Variants in SNX18 observed in about 807,000 individuals in gnomAD.
The protein encoded by SNX18 is sorting nexin-18.
Under a neutral mutation model 48.7 loss-of-function variants are expected in SNX18, and 35 were observed. The observed-to-expected ratio is 0.72, with a 90% CI of 0.55 to 0.95. The LOEUF (loss-of-function observed/expected upper bound fraction) is 0.95. Ranked by LOEUF, SNX18 falls within the 40% of genes least tolerant of loss-of-function variation. The probability of loss-of-function intolerance (pLI) is 0.00; values close to 1 mark genes in which losing one functional copy is unlikely to be tolerated. For missense variants in SNX18, 824 were observed against 871.0 expected (o/e 0.95, Z 0.68); for synonymous variants, 492 against 384.7 (o/e 1.28, Z -3.26).
the SNX18 span, among the ~76,000 whole-genome samples, chr5:54,623,288 C>T: frequency 6.6e-6 from 1 of 152,152 alleles, no homozygotes; most frequent in Non-Finnish European, 1.5e-5. Context: ...TCAGGCTTTG[C>T]TCTTTTTCTG....
At chr5:54,646,698 T>G in the SNX18 span, among the ~76,000 whole-genome samples, 1 of 152,232 alleles carries the variant, frequency 6.6e-6, no homozygotes, top group Non-Finnish European at 1.5e-5. Flanking sequence ...ACCCAAGTTC[T>G]TATGCCAAGA....
At chr5:54,548,503 G>C (rs1415331200), downstream of SNX18, among the ~76,000 whole-genome samples, 1 of 152,218 alleles carries the variant, frequency 6.6e-6, no homozygotes, top group African/African-American at 2.4e-5. Context: ...TGGAGCCAGA[G>C]ACCTGGGTCA....
chr5:54,543,540 C>T lies in SNX18; in HGVS notation c.*108C>T, dbSNP rs1183326390. On this transcript the variant is annotated 3_prime_UTR_variant, in exon 2 of 2. Coordinates refer to ENST00000381410, the MANE Select transcript of SNX18 (RefSeq NM_001102575.2). ...CCAGCTATCAGTGGTGGTACAAGGA[C>T]GGTTTTGTGTTCATCTGAAACCCAG... 78 of 1,362,106 alleles carry T rather than the reference C, an allele frequency of 5.7e-5. No individual in the cohort carries two copies. Among genetic ancestry groups the T allele is most frequent in the Non-Finnish European group, 7.2e-5 (72 of 993,646 alleles). 84.4% of individuals were successfully genotyped at this position (1,362,106 alleles called of 1,614,324 possible). A position where few individuals can be genotyped will look rare whatever the true frequency, so the allele number is the denominator to read the frequency against.
At chr5:54,579,636 A>C in the SNX18 span, among the ~76,000 whole-genome samples, 1 of 152,188 alleles carries the variant, frequency 6.6e-6, no homozygotes, top group Non-Finnish European at 1.5e-5. Context: ...AGAGTCTAGT[A>C]AACAGGAATA....
At chr5:54,619,790 A>C in the SNX18 span, among the ~76,000 whole-genome samples, 3 of 152,184 alleles carry the variant, frequency 2.0e-5, no homozygotes, top group African/African-American at 4.8e-5. Flanking sequence ...TTAAAAGGGA[A>C]AGAGCAAGCA....
the SNX18 span, among the ~76,000 whole-genome samples, chr5:54,618,365 G>A: frequency 1.3e-5 from 2 of 152,190 alleles, no homozygotes; most frequent in African/African-American, 4.8e-5. Flanking sequence ...CCAATATACA[G>A]AGTTAGTATT....
chr5:54,530,744 A>AGTTTTTTTTTTTTTTTTTTT (rs760447927), intron 1 of SNX18, among the ~76,000 whole-genome samples: 1 of 72,520 alleles, frequency 1.4e-5, no homozygotes, highest in African/African-American at 6.0e-5. Flanking sequence ...AACCACAGAA[A>AGTTTTTTTTTTTTTTTTTTT]TTTTTTTTTT....
At chr5:54,586,694 C>G in the SNX18 span, among the ~76,000 whole-genome samples, 3 of 152,158 alleles carry the variant, frequency 2.0e-5, no homozygotes, top group African/African-American at 7.2e-5. Context: ...CTTAAAGGTC[C>G]TACCTCTTAA....
At chr5:54,632,720 T>C in the SNX18 span, among the ~76,000 whole-genome samples, 8 of 152,132 alleles carry the variant, frequency 5.3e-5, 1 homozygote, top group Admixed American at 4.6e-4. Flanking sequence ...CTCTTTATAT[T>C]TATCCAAGCC....
chr5:54,570,608 G>T, the SNX18 span, among the ~76,000 whole-genome samples: 3 of 152,140 alleles, frequency 2.0e-5, no homozygotes, highest in Non-Finnish European at 4.4e-5. Context: ...CTCTCTCATA[G>T]ACTTCCTTTG....
intron 1 of SNX18, among the ~76,000 whole-genome samples, chr5:54,528,098 T>A (rs1468603191): frequency 6.6e-6 from 1 of 151,968 alleles, no homozygotes; most frequent in Non-Finnish European, 1.5e-5. Context: ...TCACTTTATA[T>A]TGATTCTTGG....
the SNX18 span, among the ~76,000 whole-genome samples, chr5:54,621,004 C>T: frequency 6.6e-6 from 1 of 152,180 alleles, no homozygotes; most frequent in Admixed American, 6.5e-5. Context: ...GGAAGGGGAA[C>T]ACAGTTCAGT....
At position 54,544,911 on chromosome 5, in the gene SNX18, C is replaced by T. The variant is rs1762550816; in HGVS notation, c.*1479C>T. On this transcript the variant is annotated 3_prime_UTR_variant, in exon 2 of 2. Coordinates refer to ENST00000381410, the MANE Select transcript of SNX18 (RefSeq NM_001102575.2). The stretch of plus-strand genomic sequence containing the variant: ...TCAAACTTATGCTGCCTCAGAAATC[C>T]CTGGGTACTGAAATGGTAACATGGA... 1 of 151,914 alleles carries T rather than the reference C, an allele frequency of 6.6e-6. No individual in the cohort carries two copies. The highest frequency in any genetic ancestry group is 2.4e-5 in the African/African-American group (1 of 41,360). 9.4% of individuals were successfully genotyped at this position (151,914 alleles called of 1,614,324 possible). A position where few individuals can be genotyped will look rare whatever the true frequency, so the allele number is the denominator to read the frequency against.
chr5:54,518,356 C>T lies in SNX18; in HGVS notation c.404C>T (p.Pro135Leu), dbSNP rs1351588163. 1 of 1,540,336 alleles carries T rather than the reference C, an allele frequency of 6.5e-7. No individual in the cohort carries two copies. Among genetic ancestry groups the T allele is most frequent in the Non-Finnish European group, 8.7e-7 (1 of 1,145,670 alleles). Residue 135 changes from proline to leucine, a missense_variant, in exon 1 of 2, where the codon CCG becomes CTG. Physicochemically the swap from Pro to Leu is moderately conservative, Grantham distance 98. Coordinates refer to ENST00000381410, the MANE Select transcript of SNX18 (RefSeq NM_001102575.2). ...CCGTACGGCGGGGGCGCCCTGCAGC[C>T]GTCGCCTCAGCAGCTCTACGGCGGC... ...GFPYGGGALQ[P>L]SPQQLYGGYQ...
chr5:54,574,926 G>A, the SNX18 span, among the ~76,000 whole-genome samples: 11 of 152,180 alleles, frequency 7.2e-5, no homozygotes, highest in Non-Finnish European at 1.3e-4. Flanking sequence ...TACCCTTCCA[G>A]AGCTCTAGGC....
the SNX18 span, among the ~76,000 whole-genome samples, chr5:54,632,690 G>A: frequency 6.6e-6 from 1 of 152,176 alleles, no homozygotes; most frequent in East Asian, 1.9e-4. Flanking sequence ...GGGATTTGTT[G>A]TGATTTCTTC....
At chr5:54,546,994 C>T (rs182829284), downstream of SNX18, among the ~76,000 whole-genome samples, 3 of 152,232 alleles carry the variant, frequency 2.0e-5, no homozygotes, top group South Asian at 6.2e-4. Context: ...GCATATCTTG[C>T]AAGGGGCCAA....
the SNX18 span, chr5:54,645,924 T>C: frequency 6.6e-6 from 1 of 152,250 alleles, no homozygotes; most frequent in South Asian, 2.1e-4. Context: ...AGTCAATGTT[T>C]TTCCTCTCTT....
chr5:54,587,411 T>A, the SNX18 span, among the ~76,000 whole-genome samples: 1 of 152,146 alleles, frequency 6.6e-6, no homozygotes, highest in African/African-American at 2.4e-5. Flanking sequence ...AGACATAATC[T>A]ATTGCGTCTT....
Sources: gnomAD v4.1 joint callset for allele counts (sites outside exome capture counted in the v4.1 genomes callset) on GRCh38, gnomAD v4.1.1 for gene constraint, MANE v1.5 for transcripts, NCBI Gene and HGNC (gene_info 2026-07-23, HGNC 2026-07-21) for gene names.